Variants in PRKG1 observed in about 807,000 individuals in gnomAD.
The protein encoded by PRKG1 is cGMP-dependent protein kinase 1.
In PRKG1, 35 loss-of-function variants were observed where a neutral mutation model predicts 88.1. The ratio of observed to expected loss-of-function variants is 0.40; its 90% CI spans 0.30 to 0.53. The LOEUF (loss-of-function observed/expected upper bound fraction) is 0.53. Among genes scored for constraint, PRKG1 ranks in the 20% least tolerant of loss-of-function variants. The pLI, the probability that PRKG1 is intolerant of heterozygous loss-of-function variation, is 0.59. For missense variants in PRKG1, 540 were observed against 839.8 expected (o/e 0.64, Z 4.41); for synonymous variants, 303 against 292.5 (o/e 1.04, Z -0.37).
intron 2 of PRKG1, among the ~76,000 whole-genome samples, chr10:51,230,992 T>C (rs1458612863): frequency 6.6e-6 from 1 of 152,184 alleles, no homozygotes; most frequent in Admixed American, 6.5e-5. Flanking sequence ...CTGTCCCCAG[T>C]GCCCTGGTTA....
intron 2 of PRKG1, among the ~76,000 whole-genome samples, chr10:51,176,569 A>G (rs1837200371): frequency 1.3e-5 from 2 of 152,204 alleles, no homozygotes; most frequent in African/African-American, 4.8e-5. Flanking sequence ...TAAGACAATC[A>G]AAAATTGTGA....
At chr10:52,043,845 T>A (rs1589552359) in intron 5 of PRKG1, among the ~76,000 whole-genome samples, 1 of 148,720 alleles carries the variant, frequency 6.7e-6, no homozygotes, top group African/African-American at 2.5e-5. Flanking sequence ...ACTTAAAAAA[T>A]TTTGGAAAAA....
intron 1 of PRKG1, among the ~76,000 whole-genome samples, chr10:51,093,038 C>CGTTGTG (rs1478483394): frequency 6.6e-6 from 1 of 152,102 alleles, no homozygotes; most frequent in Non-Finnish European, 1.5e-5. Flanking sequence ...CACTACGAAT[C>CGTTGTG]GTTGTGCAGG....
In PRKG1 at chr10:51,276,338, C is replaced by A. The variant is rs185740553; in HGVS notation, c.478+123008C>A. Among the ~76,000 whole-genome samples, 836 of 152,262 alleles carry A rather than the reference C, an allele frequency of 5.5e-3. 11 individuals carry two copies. The highest frequency in any genetic ancestry group is 0.019 in the African/African-American group (793 of 41,540). On this transcript the variant is annotated intron_variant, in intron 2 of 17. Coordinates refer to ENST00000373980, the MANE Select transcript of PRKG1 (RefSeq NM_006258.4). ...CATAGTATTCCATGGTGTATATGTG[C>A]CGCATTTTCTTAATACAGTCCATCA...
At chr10:52,164,699 A>G (rs1383900703) in intron 9 of PRKG1, among the ~76,000 whole-genome samples, 1 of 152,146 alleles carries the variant, frequency 6.6e-6, no homozygotes, top group Non-Finnish European at 1.5e-5. Flanking sequence ...GCTATTTGAA[A>G]CCATTGATTT....
chr10:51,871,927 A>G (rs1841169082), intron 4 of PRKG1, among the ~76,000 whole-genome samples: 1 of 152,194 alleles, frequency 6.6e-6, no homozygotes, highest in South Asian at 2.1e-4. Flanking sequence ...AATACAAAAT[A>G]TCACAACAAG....
intron 2 of PRKG1, among the ~76,000 whole-genome samples, chr10:51,402,901 G>A (rs1476938956): frequency 6.6e-6 from 1 of 152,136 alleles, no homozygotes; most frequent in Non-Finnish European, 1.5e-5. Flanking sequence ...CTTTATCATT[G>A]ATGCCCTCGC....
At chr10:51,759,550 A>T (rs1332432563) in intron 3 of PRKG1, among the ~76,000 whole-genome samples, 1 of 152,234 alleles carries the variant, frequency 6.6e-6, no homozygotes, top group East Asian at 1.9e-4. Flanking sequence ...CTGGGATTAC[A>T]GGTGTGAGAC....
chr10:52,065,552 T>A (rs1846336887), intron 7 of PRKG1, among the ~76,000 whole-genome samples: 1 of 152,188 alleles, frequency 6.6e-6, no homozygotes, highest in African/African-American at 2.4e-5. Context: ...ATAAAGATAT[T>A]CTGATAAATC....
chr10:51,876,148 G>A (rs876131), intron 4 of PRKG1, among the ~76,000 whole-genome samples: 11,011 of 151,942 alleles, frequency 0.072, 598 homozygotes, highest in African/African-American at 0.14. Flanking sequence ...AAATAAACTT[G>A]CCACAAGTTG....
At chr10:51,100,162 G>A (rs192945604) in intron 1 of PRKG1, among the ~76,000 whole-genome samples, 28 of 152,264 alleles carry the variant, frequency 1.8e-4, no homozygotes, top group African/African-American at 5.5e-4. Flanking sequence ...CCAAAGTGCT[G>A]TGATTACAGA....
Position 52,251,833 on chromosome 10 carries a change from C to T in PRKG1, c.1173+167C>T. 7.0e-6 allele frequency: 4 copies of T among 574,076 alleles called. No individual in the cohort carries two copies. The South Asian group carries it at 8.0e-5, about 11-fold the overall frequency. 35.6% of individuals were successfully genotyped at this position (574,076 alleles called of 1,614,324 possible). On this transcript the variant is annotated intron_variant, in intron 10 of 17. Coordinates refer to ENST00000373980, the MANE Select transcript of PRKG1 (RefSeq NM_006258.4). ...GCGGCAGACATGTCATAATTAGACA[C>T]AAAGTGGGCTAAATTATGCAGTCAA...
At chr10:51,622,818 C>T (rs1221306925) in intron 3 of PRKG1, among the ~76,000 whole-genome samples, 1 of 152,160 alleles carries the variant, frequency 6.6e-6, no homozygotes, top group Non-Finnish European at 1.5e-5. Context: ...AAATTATTTA[C>T]TTTGGGCTTC....
intron 2 of PRKG1, among the ~76,000 whole-genome samples, chr10:51,400,828 T>TG (rs1450339617): frequency 1.3e-5 from 2 of 152,188 alleles, no homozygotes; most frequent in African/African-American, 4.8e-5. Flanking sequence ...CTTTCTTCAA[T>TG]GACTTTCCTC....
intron 1 of PRKG1, among the ~76,000 whole-genome samples, chr10:51,117,856 G>T (rs1482443859): frequency 6.6e-6 from 1 of 152,200 alleles, no homozygotes; most frequent in Non-Finnish European, 1.5e-5. Flanking sequence ...AAACATGATT[G>T]CAGTTCTATG....
chr10:51,159,656 G>A (rs1416943372), intron 2 of PRKG1, among the ~76,000 whole-genome samples: 2 of 152,090 alleles, frequency 1.3e-5, no homozygotes, highest in Admixed American at 6.6e-5. Flanking sequence ...ATGCCATGTG[G>A]GGTATCGTGT....
intron 1 of PRKG1, among the ~76,000 whole-genome samples, chr10:51,049,756 T>A (rs1051635155): frequency 6.6e-6 from 1 of 152,238 alleles, no homozygotes; most frequent in Admixed American, 6.5e-5. Context: ...GCCCAACATA[T>A]AATTACTGAT....
At chr10:51,478,513 C>A (rs556866784) in intron 3 of PRKG1, among the ~76,000 whole-genome samples, 1 of 151,986 alleles carries the variant, frequency 6.6e-6, no homozygotes, top group African/African-American at 2.4e-5. Context: ...AATTTTATAT[C>A]CTTAATTTAT....
intron 2 of PRKG1, among the ~76,000 whole-genome samples, chr10:51,374,093 A>AAAATATATATATATATAT: frequency 7.0e-5 from 7 of 100,188 alleles, no homozygotes; most frequent in African/African-American, 1.3e-4. Context: ...AAAAAAAAAA[A>AAAATATATATATATATAT]ATATATATAT....
Sources: allele counts gnomAD v4.1 joint callset (sites outside exome capture counted in the v4.1 genomes callset), GRCh38; gene constraint gnomAD v4.1.1; transcripts MANE v1.5; gene names NCBI Gene and HGNC (gene_info 2026-07-23, HGNC 2026-07-21).